The following BOLL variants were observed in gnomAD, a reference collection of about 807,000 sequenced individuals.
BOLL encodes the protein protein boule-like.
In BOLL, 23 loss-of-function variants were observed where a neutral mutation model predicts 44.4. The observed-to-expected ratio is 0.52, with a 90% CI of 0.37 to 0.73. BOLL has a LOEUF of 0.73. Among genes scored for constraint, BOLL ranks in the 30% least tolerant of loss-of-function variants. The pLI, the probability that BOLL is intolerant of heterozygous loss-of-function variation, is 0.00. For missense variants in BOLL, 287 were observed against 338.3 expected, an observed-to-expected ratio of 0.85 and a Z score of 1.19; for synonymous variants, 97 against 110.8, an observed-to-expected ratio of 0.88 and a Z score of 0.78.
chr2:197,755,762 A>T (rs1349177278), intron 9 of BOLL, among the ~76,000 whole-genome samples: 1 of 152,210 alleles, frequency 6.6e-6, no homozygotes, highest in Non-Finnish European at 1.5e-5. Flanking sequence ...AAGGGAGAGC[A>T]TCAGGAAAGA....
intron 10 of BOLL, among the ~76,000 whole-genome samples, chr2:197,730,589 A>G (rs1160624494): frequency 6.7e-6 from 1 of 149,888 alleles, no homozygotes; most frequent in Non-Finnish European, 1.5e-5. Context: ...CTCAAAGGGA[A>G]GCCCATCAGA....
chr2:197,737,821 A>G (rs899372962), intron 10 of BOLL, among the ~76,000 whole-genome samples: 9 of 152,152 alleles, frequency 5.9e-5, no homozygotes, highest in Non-Finnish European at 1.5e-5. Flanking sequence ...TTACTTCTGA[A>G]TCATACTTTG....
chr2:197,749,063 C>T (rs1020488727), intron 9 of BOLL, among the ~76,000 whole-genome samples: 9 of 152,226 alleles, frequency 5.9e-5, no homozygotes, highest in Non-Finnish European at 1.2e-4. Context: ...TTTGCTGTTC[C>T]GCAGCTTCCG....
At chr2:197,784,876 T>C in intron 1 of BOLL, 180 bp downstream of exon 1, 7 of 987,418 alleles carry the variant, frequency 7.1e-6, no homozygotes, top group Non-Finnish European at 8.4e-6. Context: ...CGGAAACACC[T>C]AGATGGGGAC....
At chr2:197,755,092 C>G (rs190301052) in intron 9 of BOLL, among the ~76,000 whole-genome samples, 1 of 152,028 alleles carries the variant, frequency 6.6e-6, no homozygotes, top group Non-Finnish European at 1.5e-5. Flanking sequence ...GCAAAGGACA[C>G]GAACAGACAC....
At chr2:197,755,685 C>T (rs1688481796) in intron 9 of BOLL, among the ~76,000 whole-genome samples, 1 of 152,112 alleles carries the variant, frequency 6.6e-6, no homozygotes, top group Admixed American at 6.6e-5. Flanking sequence ...TAAGTGGGAG[C>T]TGAACAATGA....
At chr2:197,744,941 G>A (rs1687921800) in intron 9 of BOLL, among the ~76,000 whole-genome samples, 1 of 152,156 alleles carries the variant, frequency 6.6e-6, no homozygotes, top group African/African-American at 2.4e-5. Flanking sequence ...TCCCTGAGGA[G>A]GAGGGAACTG....
At chr2:197,767,808 A>T (rs1574852706) in intron 6 of BOLL, among the ~76,000 whole-genome samples, 1 of 152,118 alleles carries the variant, frequency 6.6e-6, no homozygotes, top group East Asian at 1.9e-4. Flanking sequence ...CTTCCCACTT[A>T]CAAAGTATGC....
At chr2:197,773,684 T>C (rs1480263929) in intron 5 of BOLL, among the ~76,000 whole-genome samples, 1 of 151,610 alleles carries the variant, frequency 6.6e-6, no homozygotes, top group African/African-American at 2.4e-5. Flanking sequence ...AGAACAGGAG[T>C]ATAGAATGTT....
At position 197,728,409 on chromosome 2, in the gene BOLL, T is replaced by C; in HGVS notation, c.*146A>G. 2.3e-6 allele frequency: 3 copies of C among 1,285,298 alleles called. No homozygotes were observed. The highest frequency in any genetic ancestry group is 1.1e-6 in the Non-Finnish European group (1 of 911,634). 79.6% of individuals were successfully genotyped at this position (1,285,298 alleles called of 1,614,324 possible). A position where few individuals can be genotyped will look rare whatever the true frequency, so the allele number is the denominator to read the frequency against. On this transcript the variant is annotated 3_prime_UTR_variant, in exon 11 of 11. Coordinates refer to ENST00000392296, the MANE Select transcript of BOLL (RefSeq NM_033030.6). ...TTCATCAAATTTAGACAGCTTATAG[T>C]GGAATAACTGAGTATGGTGAGGTAT...
chr2:197,750,647 C>T (rs1343780940), intron 9 of BOLL, among the ~76,000 whole-genome samples: 1 of 152,206 alleles, frequency 6.6e-6, no homozygotes, highest in African/African-American at 2.4e-5. Context: ...ATTCACAAAG[C>T]AGGTTCTTAG....
chr2:197,756,871 G>T (rs1688539595), intron 8 of BOLL, among the ~76,000 whole-genome samples: 1 of 152,054 alleles, frequency 6.6e-6, no homozygotes, highest in African/African-American at 2.4e-5. Flanking sequence ...GTGATCTATG[G>T]TATTTAAATT....
intron 7 of BOLL, chr2:197,759,036 G>A: frequency 6.6e-7 from 1 of 1,513,832 alleles, no homozygotes; most frequent in Non-Finnish European, 8.9e-7. Flanking sequence ...CATGATGTCA[G>A]CAAGATGGCT....
At chr2:197,759,034 C>T in intron 7 of BOLL, 1 of 1,519,430 alleles carries the variant, frequency 6.6e-7, no homozygotes, top group Non-Finnish European at 8.8e-7. Context: ...GGCATGATGT[C>T]AGCAAGATGG....
chr2:197,767,690 G>C (rs544219701), intron 6 of BOLL, among the ~76,000 whole-genome samples: 2 of 152,004 alleles, frequency 1.3e-5, no homozygotes, highest in South Asian at 4.1e-4. Flanking sequence ...GGAGCCTAGG[G>C]ATACTTCTAA....
intron 6 of BOLL, among the ~76,000 whole-genome samples, chr2:197,770,866 A>G (rs1029671498): frequency 1.3e-5 from 2 of 152,064 alleles, no homozygotes; most frequent in Non-Finnish European, 2.9e-5. Context: ...TGGAGGGGAT[A>G]TGGAGAAATA....
At position 197,743,178 on chromosome 2, in the gene BOLL, G is replaced by GA. The variant is rs777001507; in HGVS notation, c.730-20dup. On this transcript the variant is annotated intron_variant, in intron 9 of 10. Coordinates refer to ENST00000392296, the MANE Select transcript of BOLL (RefSeq NM_033030.6). ...AATAAGGCTATTACAAAAAAAGAGA[G>GA]AAAAAATGTCACCTTTCATCTATTA... The GA allele has an allele frequency of 1.8e-4, 271 of 1,522,584 alleles. No homozygotes were observed. Among genetic ancestry groups the GA allele is most frequent in the Admixed American group, 2.2e-4 (11 of 49,242 alleles). 94.3% of individuals were successfully genotyped at this position (1,522,584 alleles called of 1,614,324 possible). A position where few individuals can be genotyped will look rare whatever the true frequency, so the allele number is the denominator to read the frequency against.
At chr2:197,762,532 A>G (rs1285900501) in intron 7 of BOLL, among the ~76,000 whole-genome samples, 3 of 152,318 alleles carry the variant, frequency 2.0e-5, no homozygotes, top group Non-Finnish European at 2.9e-5. Flanking sequence ...AAAAATTAAA[A>G]AAAACTGAAA....
chr2:197,742,538 A>G (rs1350211183), intron 10 of BOLL, among the ~76,000 whole-genome samples: 5 of 152,140 alleles, frequency 3.3e-5, no homozygotes, highest in African/African-American at 1.2e-4. Context: ...GCTGGAAACC[A>G]TCATTCTCAG....
Sources: allele counts gnomAD v4.1 joint callset (sites outside exome capture counted in the v4.1 genomes callset), GRCh38; gene constraint gnomAD v4.1.1; transcripts MANE v1.5; gene names NCBI Gene and HGNC (gene_info 2026-07-23, HGNC 2026-07-21).